The following GYG1 variants were observed in gnomAD, a reference collection of about 807,000 sequenced individuals.
The protein encoded by GYG1 is glycogenin 1.
In GYG1, 44 loss-of-function variants were observed where a neutral mutation model predicts 41.9. That is an observed-to-expected ratio of 1.05 (90% CI 0.83 to 1.35). GYG1 has a LOEUF of 1.35. Among genes scored for constraint, GYG1 ranks in the 40% most tolerant of loss-of-function variants. The probability of loss-of-function intolerance (pLI) is 0.00; values close to 1 mark genes in which losing one functional copy is unlikely to be tolerated. For synonymous variants in GYG1, 141 were observed against 158.1 expected, an observed-to-expected ratio of 0.89 and a Z score of 0.81; for missense variants, 429 against 418.9, an observed-to-expected ratio of 1.02 and a Z score of -0.21.
chr3:149,021,996 A>C (rs1714396349), intron 5 of GYG1, among the ~76,000 whole-genome samples: 1 of 152,128 alleles, frequency 6.6e-6, no homozygotes, highest in Admixed American at 6.5e-5. Context: ...TGCTCACCTG[A>C]TACCTGCCAT....
rs573935051 is a variant in GYG1 at position 149,003,483 on chromosome 3, T to C, written c.482-5793T>C. On this transcript the variant is annotated intron_variant, in intron 4 of 7. Coordinates refer to ENST00000345003, the MANE Select transcript of GYG1 (RefSeq NM_004130.4). ...TGAAGTATCTGAGAGTTGGAACCTA[T>C]CTGAATCTTCCTATTATGTGAATAC... 1.2e-4 allele frequency among the ~76,000 whole-genome samples: 19 copies of C among 152,324 alleles called. No individual in the cohort carries two copies. The South Asian group carries it at 3.9e-3, about 32-fold the overall frequency.
intron 1 of GYG1, chr3:148,992,398 A>G (rs1267297376): frequency 6.6e-6 from 1 of 152,326 alleles, no homozygotes; most frequent in Non-Finnish European, 1.5e-5. Flanking sequence ...TGTAACCCAG[A>G]GTTCAGCCGT....
At chr3:149,020,210 A>G (rs1714290798) in intron 5 of GYG1, among the ~76,000 whole-genome samples, 1 of 152,224 alleles carries the variant, frequency 6.6e-6, no homozygotes, top group African/African-American at 2.4e-5. Flanking sequence ...TGCTTACTTC[A>G]TAATATGCTT....
At chr3:149,009,176 G>T in intron 4 of GYG1, 100 bp from the exon 5 acceptor site, 3 of 849,760 alleles carry the variant, frequency 3.5e-6, no homozygotes, top group South Asian at 1.5e-5. Context: ...AAAAAAAAAT[G>T]GAATTAGTGT....
chr3:149,024,169 A>T lies in GYG1; in HGVS notation c.725A>T (p.His242Leu), dbSNP rs1460713726. ...GAGGCCCATGATCCCAACATGACTC[A>T]TCCAGAGTTTCTCATCCTGTGGTGG... is the stretch of plus-strand genomic sequence containing the variant. Reference protein sequence around the residue: ...KSEAHDPNMTHPEFLILWWNI... With the variant: ...KSEAHDPNMTLPEFLILWWNI... Residue 242 changes from histidine to leucine, a missense_variant, in exon 6 of 8, where the codon CAT becomes CTT. By Grantham distance (99) the His-to-Leu change is moderately conservative. Coordinates refer to ENST00000345003, the MANE Select transcript of GYG1 (RefSeq NM_004130.4). 1.9e-6 allele frequency: 3 copies of T among 1,613,550 alleles called. No homozygotes were observed. Among genetic ancestry groups the T allele is most frequent in the Non-Finnish European group, 2.5e-6 (3 of 1,179,438 alleles).
chr3:149,024,633 G>C (rs764760247), intron 6 of GYG1, among the ~76,000 whole-genome samples: 1 of 152,186 alleles, frequency 6.6e-6, no homozygotes, highest in Non-Finnish European at 1.5e-5. Flanking sequence ...CAAACATTTA[G>C]ATGTATCTAC....
rs574784654 is a variant in GYG1, at chr3:149,031,158, TA to T, written c.*4235del. On this transcript the variant is annotated 3_prime_UTR_variant, in exon 8 of 8. Transcript: ENST00000345003. ...ATAAGTTTGCTTATTAACAAAAAAG[TA>T]AAAAAAAAAGAAAAGAAAAAAGATG... 10 of 145,156 alleles carry T rather than the reference TA, an allele frequency of 6.9e-5. No homozygotes were observed. Among genetic ancestry groups the T allele is most frequent in the Non-Finnish European group, 4.6e-5 (3 of 65,488 alleles). 9.0% of individuals were successfully genotyped at this position (145,156 alleles called of 1,614,324 possible).
rs762685796 is a variant in GYG1, at chr3:148,996,478, T to TA, written c.318+2_318+3insA. The TA allele has an allele frequency of 6.2e-7, 1 of 1,612,068 alleles. No homozygotes were observed. The highest frequency in any genetic ancestry group is 8.5e-7 in the Non-Finnish European group (1 of 1,178,390). ...GTATTCATGGATGCAGATACTCTGGTGAGTGTGGCTTTGAGGGTAGAAAAG... is the reference window on the plus strand; with the variant it reads ...GTATTCATGGATGCAGATACTCTGGTAGAGTGTGGCTTTGAGGGTAGAAAAG... On this transcript the variant is annotated splice_region_variant and intron_variant, in intron 3 of 7. Transcript: ENST00000345003.
Position 148,991,949 on chromosome 3 carries a change from G to C in GYG1, c.7+302G>C, listed in dbSNP as rs560743847. Reference sequence around the variant, plus strand: ...CGGCGAAGGGCCGGCGGGCGGAGCAGCTGCGGCGGGGCCGTGTGGGGGTGG... The same window carrying C: ...CGGCGAAGGGCCGGCGGGCGGAGCACCTGCGGCGGGGCCGTGTGGGGGTGG... On this transcript the variant is annotated intron_variant, in intron 1 of 7. Coordinates refer to ENST00000345003, the MANE Select transcript of GYG1 (RefSeq NM_004130.4). Among the ~76,000 whole-genome samples the C allele has an allele frequency of 9.8e-4, 149 of 152,244 alleles. 1 individual carries two copies. Among genetic ancestry groups the C allele is most frequent in the Non-Finnish European group, 1.4e-3 (96 of 67,972 alleles).
intron 4 of GYG1, among the ~76,000 whole-genome samples, chr3:149,005,324 G>T (rs1713327932): frequency 6.6e-6 from 1 of 152,032 alleles, no homozygotes; most frequent in South Asian, 2.1e-4. Context: ...AAAGAGGGGG[G>T]AAGGAACATC....
At chr3:148,991,680 G>C in intron 1 of GYG1, 33 bp downstream of exon 1, 3 of 1,495,248 alleles carry the variant, frequency 2.0e-6, no homozygotes, top group Non-Finnish European at 2.7e-6. Flanking sequence ...CGCCAGCCCC[G>C]GGACCCCGGC....
chr3:149,000,188 C>T (rs1214442283), intron 4 of GYG1, among the ~76,000 whole-genome samples: 3 of 152,204 alleles, frequency 2.0e-5, no homozygotes, highest in Non-Finnish European at 4.4e-5. Context: ...ACCTGGACTT[C>T]TCTTTCTTCC....
In GYG1 at chr3:148,991,558, G is replaced by T; in HGVS notation, c.-83G>T. ...GCTCGGTTCCCCGCCGTGCCTCCTC[G>T]CTGGCCGCGCTCCCTCCCGGTGCCG... On this transcript the variant is annotated 5_prime_UTR_variant, in exon 1 of 8. Coordinates refer to ENST00000345003, the MANE Select transcript of GYG1 (RefSeq NM_004130.4). 6.6e-7 allele frequency: 1 copy of T among 1,523,618 alleles called. No homozygotes were observed. The highest frequency in any genetic ancestry group is 1.2e-5 in the South Asian group (1 of 83,530). The allele number at this position is 1,523,618 out of a possible 1,614,324, so 94.4% of individuals were successfully genotyped here. A position where few individuals can be genotyped will look rare whatever the true frequency, so the allele number is the denominator to read the frequency against.
chr3:149,022,857 C>A (rs1331895513), intron 5 of GYG1, among the ~76,000 whole-genome samples: 1 of 152,048 alleles, frequency 6.6e-6, no homozygotes, highest in East Asian at 1.9e-4. Context: ...CCTTTTTCAA[C>A]AGAAATGTTT....
intron 5 of GYG1, among the ~76,000 whole-genome samples, chr3:149,022,051 C>T (rs1576553874): frequency 6.6e-6 from 1 of 152,228 alleles, no homozygotes; most frequent in Non-Finnish European, 1.5e-5. Context: ...ACCCAGATCA[C>T]ATCTGCTGTA....
chr3:149,014,867 CAAA>C (rs113311454), intron 5 of GYG1, among the ~76,000 whole-genome samples: 30 of 110,994 alleles, frequency 2.7e-4, no homozygotes, highest in Non-Finnish European at 3.1e-4. Context: ...GACTCTGTCT[CAAA>C]AAAAAAAAAA....
chr3:149,006,569 G>A (rs1295317009), intron 4 of GYG1, among the ~76,000 whole-genome samples: 3 of 152,126 alleles, frequency 2.0e-5, no homozygotes, highest in African/African-American at 7.2e-5. Context: ...CCAGGTTATT[G>A]TATCTCTAGT....
rs1576544745 is a variant in GYG1, at chr3:149,007,479, G to A, written c.482-1797G>A. Among the ~76,000 whole-genome samples, 3 of 152,234 alleles carry A rather than the reference G, an allele frequency of 2.0e-5. No homozygotes were observed. In the South Asian group the frequency reaches 6.2e-4, roughly 31 times the overall value. On this transcript the variant is annotated intron_variant, in intron 4 of 7. Coordinates refer to ENST00000345003, the MANE Select transcript of GYG1 (RefSeq NM_004130.4). ...AGGAGGGGTTTCCTCAAGACAATAA[G>A]TGAACGCCTTTGATTCTTAGAGTTG...
rs1245382246 is a variant in GYG1, at chr3:149,031,110, A to G, written c.*4177A>G. Reference sequence around the variant, plus strand: ...CTTCTTTGTTTTAAATATGCTCAGGAGTCAACCCAAATTCTGCAGCAAATA... The same window carrying G: ...CTTCTTTGTTTTAAATATGCTCAGGGGTCAACCCAAATTCTGCAGCAAATA... On this transcript the variant is annotated 3_prime_UTR_variant, in exon 8 of 8. Coordinates refer to ENST00000345003, the MANE Select transcript of GYG1 (RefSeq NM_004130.4). The G allele has an allele frequency of 6.6e-6, 1 of 152,202 alleles. No individual in the cohort carries two copies. Among genetic ancestry groups the G allele is most frequent in the Admixed American group, 6.5e-5 (1 of 15,276 alleles). 9.4% of individuals were successfully genotyped at this position (152,202 alleles called of 1,614,324 possible). A position where few individuals can be genotyped will look rare whatever the true frequency, so the allele number is the denominator to read the frequency against.
Sources: allele counts gnomAD v4.1 joint callset (sites outside exome capture counted in the v4.1 genomes callset), GRCh38; gene constraint gnomAD v4.1.1; transcripts MANE v1.5; gene names NCBI Gene and HGNC (gene_info 2026-07-23, HGNC 2026-07-21).